KCNB2: variants seen among roughly 807,000 people sequenced by gnomAD.
KCNB2 encodes the protein delayed rectifier potassium channel protein.
KCNB2 carries 15 observed loss-of-function variants against 61.5 expected under a neutral mutation model. The observed-to-expected ratio is 0.24, with a 90% CI of 0.16 to 0.38. The LOEUF is 0.38. Among genes scored for constraint, KCNB2 ranks in the 10% least tolerant of loss-of-function variants. KCNB2 has a pLI of 1.00. For synonymous variants in KCNB2, 457 were observed against 446.0 expected (o/e 1.02, Z -0.31); for missense variants, 828 against 1,125.2 (o/e 0.74, Z 3.78).
At chr8:72,619,209 G>A (rs561223397) in intron 2 of KCNB2, 10 of 545,716 alleles carry the variant, frequency 1.8e-5, no homozygotes, top group African/African-American at 1.7e-4. Flanking sequence ...TCACTGCAGG[G>A]ATAAACCTAG....
intron 2 of KCNB2, among the ~76,000 whole-genome samples, chr8:72,758,464 T>A (rs976861160): frequency 3.3e-5 from 5 of 152,132 alleles, no homozygotes; most frequent in Admixed American, 3.3e-4. Context: ...TAAACATAGA[T>A]CTAAATATAG....
chr8:72,905,700 G>C (rs1337934669), intron 2 of KCNB2, among the ~76,000 whole-genome samples: 1 of 152,082 alleles, frequency 6.6e-6, no homozygotes, highest in Non-Finnish European at 1.5e-5. Context: ...GTGGGTAAGA[G>C]GCAGGCTTCC....
chr8:72,890,836 A>G (rs1482907620), intron 2 of KCNB2, among the ~76,000 whole-genome samples: 1 of 152,214 alleles, frequency 6.6e-6, no homozygotes, highest in Non-Finnish European at 1.5e-5. Context: ...TAGTTCTGTT[A>G]CTGTCTACTT....
At chr8:72,863,045 A>G (rs1805446723) in intron 2 of KCNB2, among the ~76,000 whole-genome samples, 1 of 152,208 alleles carries the variant, frequency 6.6e-6, no homozygotes, top group Non-Finnish European at 1.5e-5. Flanking sequence ...TATTCCAAGT[A>G]TTCTTTTTAA....
intron 2 of KCNB2, among the ~76,000 whole-genome samples, chr8:72,845,590 T>C (rs1006641550): frequency 6.6e-6 from 1 of 152,226 alleles, no homozygotes; most frequent in East Asian, 1.9e-4. Context: ...ATTTTATCTA[T>C]AAGTCCCCGA....
intron 2 of KCNB2, among the ~76,000 whole-genome samples, chr8:72,718,918 GGC>G (rs1388274484): frequency 6.6e-6 from 1 of 152,064 alleles, no homozygotes; most frequent in African/African-American, 2.4e-5. Flanking sequence ...GGAATAAATT[GGC>G]CGAGTCATAA....
Position 72,937,746 on chromosome 8 carries a change from T to C in KCNB2, c.2391T>C (p.Ser797=). The change falls in exon 3 of 3, where the codon TCT becomes TCC. Residue 797 remains serine (S), a synonymous_variant. Coordinates refer to ENST00000523207, the MANE Select transcript of KCNB2 (RefSeq NM_004770.3). The part of the protein sequence containing the change: ...RFPKQKLFPF[S]SRERRSFTEI... ...CCAAGCAGAAACTGTTCCCTTTCTCTTCAAGAGAGAGGAGGAGCTTCACTG... is the reference window on the plus strand; with the variant it reads ...CCAAGCAGAAACTGTTCCCTTTCTCCTCAAGAGAGAGGAGGAGCTTCACTG... 6.2e-7 allele frequency: 1 copy of C among 1,613,910 alleles called. No individual in the cohort carries two copies. The highest frequency in any genetic ancestry group is 8.5e-7 in the Non-Finnish European group (1 of 1,180,000).
At chr8:72,824,920 T>C (rs1243345189) in intron 2 of KCNB2, among the ~76,000 whole-genome samples, 2 of 152,228 alleles carry the variant, frequency 1.3e-5, no homozygotes, top group African/African-American at 4.8e-5. Context: ...TCTACCACTT[T>C]ACCCATTTTC....
intron 2 of KCNB2, among the ~76,000 whole-genome samples, chr8:72,586,696 G>T (rs1042239159): frequency 6.6e-6 from 1 of 152,316 alleles, no homozygotes; most frequent in African/African-American, 2.4e-5. Flanking sequence ...GAGAGATTAA[G>T]TAACAAAACC....
At chr8:72,823,051 G>T (rs1401330828) in intron 2 of KCNB2, among the ~76,000 whole-genome samples, 1 of 150,886 alleles carries the variant, frequency 6.6e-6, no homozygotes, top group Non-Finnish European at 1.5e-5. Flanking sequence ...TGGCTCCTAA[G>T]AAGGAGGAAG....
At chr8:72,917,162 A>AT (rs1330233405) in intron 2 of KCNB2, among the ~76,000 whole-genome samples, 2 of 152,176 alleles carry the variant, frequency 1.3e-5, no homozygotes, top group Non-Finnish European at 2.9e-5. Flanking sequence ...GAAGGAAATC[A>AT]TTTCCTTGTG....
At chr8:72,820,196 A>T (rs1809472802) in intron 2 of KCNB2, among the ~76,000 whole-genome samples, 1 of 152,134 alleles carries the variant, frequency 6.6e-6, no homozygotes, top group South Asian at 2.1e-4. Flanking sequence ...ACAAAATCAT[A>T]TCCTTCTTTG....
At chr8:72,757,644 CGT>C (rs144559623) in intron 2 of KCNB2, among the ~76,000 whole-genome samples, 9 of 150,632 alleles carry the variant, frequency 6.0e-5, no homozygotes, top group Non-Finnish European at 7.4e-5. Context: ...ATTTTATGTG[CGT>C]GTGTGTGTGT....
rs989548947 is a variant in KCNB2, at chr8:72,561,436, T to A, written c.-93-6206T>A. ...TCCCAAAAAAGTTCTATTTTTTTTT[T>A]AAACTAAGGAGTATATAGTTGTGCT... On this transcript the variant is annotated intron_variant, in intron 1 of 2. Coordinates refer to ENST00000523207, the MANE Select transcript of KCNB2 (RefSeq NM_004770.3). 2.0e-5 allele frequency among the ~76,000 whole-genome samples: 3 copies of A among 151,434 alleles called. 1 individual carries two copies. The highest frequency in any genetic ancestry group is 4.4e-5 in the Non-Finnish European group (3 of 67,882).
intron 2 of KCNB2, among the ~76,000 whole-genome samples, chr8:72,615,675 T>A (rs1805609197): frequency 6.6e-6 from 1 of 152,140 alleles, no homozygotes; most frequent in South Asian, 2.1e-4. Flanking sequence ...ATGTGGAAAA[T>A]CATATATTGT....
intron 2 of KCNB2, among the ~76,000 whole-genome samples, chr8:72,924,286 G>T (rs963579815): frequency 1.3e-5 from 2 of 152,038 alleles, no homozygotes; most frequent in Admixed American, 1.3e-4. Flanking sequence ...AAGCCCCATA[G>T]CCCATGAGAA....
At chr8:72,776,091 G>A (rs1299411706) in intron 2 of KCNB2, among the ~76,000 whole-genome samples, 1 of 152,136 alleles carries the variant, frequency 6.6e-6, no homozygotes, top group African/African-American at 2.4e-5. Flanking sequence ...ATGAGTTTAT[G>A]TCCTTTGTAG....
chr8:72,917,660 T>C (rs1806428594), intron 2 of KCNB2, among the ~76,000 whole-genome samples: 1 of 152,214 alleles, frequency 6.6e-6, no homozygotes, highest in African/African-American at 2.4e-5. Flanking sequence ...AAGTGGTAAA[T>C]TTTTAAAAGA....
At chr8:72,576,376 T>C (rs1806794368) in intron 2 of KCNB2, among the ~76,000 whole-genome samples, 1 of 152,222 alleles carries the variant, frequency 6.6e-6, no homozygotes, top group African/African-American at 2.4e-5. Flanking sequence ...TTCTTTCTCC[T>C]CATTGTTATT....
Sources: allele counts gnomAD v4.1 joint callset (sites outside exome capture counted in the v4.1 genomes callset), GRCh38; gene constraint gnomAD v4.1.1; transcripts MANE v1.5; gene names NCBI Gene and HGNC (gene_info 2026-07-23, HGNC 2026-07-21).